FBN3: variants seen among roughly 807,000 people sequenced by gnomAD.
FBN3 encodes fibrillin-3.
A neutral mutation model predicts 330.1 loss-of-function variants in FBN3; 234 were observed. That is an observed-to-expected ratio of 0.71 (90% CI 0.64 to 0.79). FBN3 has a LOEUF of 0.79. Ranked by LOEUF, FBN3 falls within the 30% of genes least tolerant of loss-of-function variation. The pLI, the probability that FBN3 is intolerant of heterozygous loss-of-function variation, is 0.00. For synonymous variants in FBN3, 1,458 were observed against 1,517.3 expected (o/e 0.96, Z 0.91); for missense variants, 3,606 against 3,886.9 (o/e 0.93, Z 1.92).
chr19:8,082,338 T>C (rs896711216), intron 57 of FBN3, among the ~76,000 whole-genome samples: 1 of 141,984 alleles, frequency 7.0e-6, no homozygotes, highest in Non-Finnish European at 1.5e-5. Context: ...TGTTTCTTTC[T>C]CTTTCTTTTT....
intron 59 of FBN3, among the ~76,000 whole-genome samples, chr19:8,076,788 A>C (rs1435621284): frequency 6.6e-6 from 1 of 151,936 alleles, no homozygotes; most frequent in Non-Finnish European, 1.5e-5. Flanking sequence ...TTTAGATAGG[A>C]TCTCATTCTG....
intron 24 of FBN3, 111 bp downstream of exon 24, chr19:8,123,353 T>A: frequency 8.4e-7 from 1 of 1,183,758 alleles, no homozygotes; most frequent in East Asian, 2.6e-5. Context: ...AAACTCCGTC[T>A]CGAAAAAAAA....
chr19:8,128,951 T>C (rs1033116844), intron 18 of FBN3, 77 bp downstream of exon 18: 2 of 1,517,012 alleles, frequency 1.3e-6, no homozygotes, highest in Non-Finnish European at 1.8e-6. Context: ...TGCATGCCTG[T>C]GCGTGCACAC....
At position 8,066,315 on chromosome 19, in the gene FBN3, TG is replaced by T. The variant is rs1168290317; in HGVS notation, c.8089-56del. The T allele has an allele frequency of 3.8e-6, 5 of 1,318,076 alleles. No individual in the cohort carries two copies. In the African/African-American group the frequency reaches 7.5e-5, roughly 20 times the overall value. The allele number at this position is 1,318,076 out of a possible 1,614,324, so 81.6% of individuals were successfully genotyped here. A position where few individuals can be genotyped will look rare whatever the true frequency, so the allele number is the denominator to read the frequency against. Reference sequence around the variant, plus strand: ...AGCCCAGGAGAATCGGGATGTGGTGTGGGTAGGGGGTCCTCGGATTGTGGCC... The same window carrying T: ...AGCCCAGGAGAATCGGGATGTGGTGTGGTAGGGGGTCCTCGGATTGTGGCC... On this transcript the variant is annotated intron_variant, in intron 63 of 63. Coordinates refer to ENST00000600128, the MANE Select transcript of FBN3 (RefSeq NM_032447.5).
Position 8,146,129 on chromosome 19 carries a change from C to T in FBN3, c.347G>A (p.Arg116Gln), listed in dbSNP as rs372350622. The T allele has an allele frequency of 1.4e-5, 23 of 1,588,824 alleles. No individual in the cohort carries two copies. The East Asian group carries it at 4.1e-4, about 28-fold the overall frequency. ...GCAAGAGGCCGCTTCCCGCTCACCTCGGCTCACCCCGCAGCTGGGAGCCAG... is the reference window on the plus strand; with the variant it reads ...GCAAGAGGCCGCTTCCCGCTCACCTTGGCTCACCCCGCAGCTGGGAGCCAG... ...GTLAPSCGVS[R>Q]GSGCSVSCMN... is the part of the protein sequence containing the mutation. The change falls in exon 4 of 64, where the codon CGA (arginine) becomes CAA (glutamine). Residue 116 changes from arginine (R) to glutamine (Q), a missense_variant and splice_region_variant. Arg to Gln is a conservative substitution (Grantham distance 43, BLOSUM62 1). Coordinates refer to ENST00000600128, the MANE Select transcript of FBN3 (RefSeq NM_032447.5).
At chr19:8,122,720 A>G (rs1221725529) in intron 24 of FBN3, among the ~76,000 whole-genome samples, 4 of 148,724 alleles carry the variant, frequency 2.7e-5, no homozygotes, top group African/African-American at 1.0e-4. Flanking sequence ...GCTGGAGTGC[A>G]GTGGCATGAT....
At position 8,134,884 on chromosome 19, in the gene FBN3, A is replaced by G. The variant is rs553838284; in HGVS notation, c.1591+1077T>C. Among the ~76,000 whole-genome samples, 25 of 151,690 alleles carry G rather than the reference A, an allele frequency of 1.6e-4. No individual in the cohort carries two copies. The East Asian group carries it at 4.8e-3, about 29-fold the overall frequency. On this transcript the variant is annotated intron_variant, in intron 13 of 63. Coordinates refer to ENST00000600128, the MANE Select transcript of FBN3 (RefSeq NM_032447.5). Reference sequence around the variant, plus strand: ...GGGCAGCAGAGGTTGCAGTGAGCCAAGATGGCACCACTGCACTCCAGCCTG... The same window carrying G: ...GGGCAGCAGAGGTTGCAGTGAGCCAGGATGGCACCACTGCACTCCAGCCTG...
intron 63 of FBN3, among the ~76,000 whole-genome samples, chr19:8,070,164 A>G (rs1016218322): frequency 7.2e-5 from 11 of 152,028 alleles, no homozygotes; most frequent in Admixed American, 5.2e-4. Flanking sequence ...ACTAGAGGGG[A>G]AAAAGGGCCT....
chr19:8,094,478 G>C lies in FBN3; in HGVS notation c.5873C>G (p.Pro1958Arg), dbSNP rs7245429. Residue 1958 changes from proline (P) to arginine (R), a missense_variant, in exon 47 of 64, where the codon CCT becomes CGT. By Grantham distance (103) the Pro-to-Arg change is moderately radical (BLOSUM62 -2). Coordinates refer to ENST00000600128, the MANE Select transcript of FBN3 (RefSeq NM_032447.5). ...GTGGTCACTCTGCACCTGGAAGCCAGGGGGACAGATGCAGCGGAAGGAGCC... is the reference window on the plus strand; with the variant it reads ...GTGGTCACTCTGCACCTGGAAGCCACGGGGACAGATGCAGCGGAAGGAGCC... ...LEGSFRCICP[P>R]GFQVQSDHCI... The C allele has an allele frequency of 6.2e-7, 1 of 1,612,232 alleles. No individual in the cohort carries two copies. The highest frequency in any genetic ancestry group is 8.5e-7 in the Non-Finnish European group (1 of 1,178,918).
At chr19:8,085,679 T>G (rs2081927328) in intron 55 of FBN3, 110 bp from the exon 56 acceptor site, 1 of 796,740 alleles carries the variant, frequency 1.3e-6, no homozygotes, top group African/African-American at 1.8e-5. Flanking sequence ...GGGACAGGGG[T>G]GTCCAGGAGG....
rs139765746 is a variant in FBN3 at position 8,131,791 on chromosome 19, C to T, written c.1753G>A (p.Gly585Ser). ...ECQTPGICVN[G>S]HCTNTEGSFR... The stretch of plus-strand genomic sequence containing the variant: ...GAGCCCTCGGTGTTGGTACAGTGGC[C>T]GTTCACGCAGATGCCGGGCGTCTGG... Residue 585 changes from glycine to serine, a missense_variant, in exon 15 of 64, where the codon GGC becomes AGC. Transcript: ENST00000600128. This position sits in a 1 kb window ranked among gnomAD's most constrained non-coding sequence, Gnocchi z 4.5. 12 of 1,606,996 alleles carry T rather than the reference C, an allele frequency of 7.5e-6. No individual in the cohort carries two copies. The highest frequency in any genetic ancestry group is 6.7e-5 in the Admixed American group (4 of 59,618).
In FBN3 at chr19:8,125,990, C is replaced by G. The variant is rs1415174133; in HGVS notation, c.2633G>C (p.Gly878Ala). Residue 878 changes from glycine (G) to alanine (A), a missense_variant, in exon 22 of 64, where the codon GGA becomes GCA. Gly to Ala is a moderately conservative substitution (Grantham distance 60, BLOSUM62 0). Coordinates refer to ENST00000600128, the MANE Select transcript of FBN3 (RefSeq NM_032447.5). ...DDVNECESFP[G>A]VCPNGRCVNT... ...GACGCAACGCCCGTTGGGACAGACTCCCGGGAAGGACTCACACTCGTTCAC... is the reference window on the plus strand; with the variant it reads ...GACGCAACGCCCGTTGGGACAGACTGCCGGGAAGGACTCACACTCGTTCAC... 1.2e-6 allele frequency: 2 copies of G among 1,613,788 alleles called. No individual in the cohort carries two copies. The highest frequency in any genetic ancestry group is 2.7e-5 in the African/African-American group (2 of 74,884).
chr19:8,111,546 T>C, intron 32 of FBN3, 102 bp downstream of exon 32: 1 of 1,303,376 alleles, frequency 7.7e-7, no homozygotes, highest in Non-Finnish European at 1.1e-6. Context: ...GGCGATTGAG[T>C]CAGAAGGAGT....
At chr19:8,108,000 A>T (rs1299954457) in intron 37 of FBN3, among the ~76,000 whole-genome samples, 170 bp downstream of exon 37, 2 of 152,162 alleles carry the variant, frequency 1.3e-5, no homozygotes, top group Non-Finnish European at 2.9e-5. Context: ...GATAAAAAAA[A>T]TTAAACACAA....
intron 63 of FBN3, among the ~76,000 whole-genome samples, chr19:8,068,363 C>G (rs1422243845): frequency 6.7e-6 from 1 of 148,522 alleles, no homozygotes; most frequent in Non-Finnish European, 1.5e-5. Context: ...TGCACTCCAG[C>G]CTGGGCGACA....
chr19:8,067,369 G>A lies in FBN3; in HGVS notation c.8089-1109C>T, dbSNP rs575532813. Among the ~76,000 whole-genome samples, 10 of 152,124 alleles carry A rather than the reference G, an allele frequency of 6.6e-5. No individual in the cohort carries two copies. In the East Asian group the frequency reaches 9.7e-4, roughly 15 times the overall value. On this transcript the variant is annotated intron_variant, in intron 63 of 63. Coordinates refer to ENST00000600128, the MANE Select transcript of FBN3 (RefSeq NM_032447.5). ...TCAAACTCCTGGCCTCAAGTGATCCGCTCACCTCAGCCTCCCAAAGTGCTG... is the reference window on the plus strand; with the variant it reads ...TCAAACTCCTGGCCTCAAGTGATCCACTCACCTCAGCCTCCCAAAGTGCTG...
intron 63 of FBN3, among the ~76,000 whole-genome samples, chr19:8,066,496 A>G (rs536733644): frequency 2.0e-4 from 30 of 152,338 alleles, no homozygotes; most frequent in Admixed American, 8.5e-4. Context: ...GTTCTCAGTT[A>G]TAAGTGGGAG....
intron 47 of FBN3, among the ~76,000 whole-genome samples, chr19:8,093,353 A>G (rs779232846): frequency 1.6e-4 from 24 of 152,008 alleles, no homozygotes; most frequent in African/African-American, 3.9e-4. Flanking sequence ...GCCTGGCGCA[A>G]TGGCTCATGC....
chr19:8,097,343 G>C lies in FBN3; in HGVS notation c.5233C>G (p.Arg1745Gly). ...GICINQIGSFRCECPAGFNYN... is the reference protein window; with the variant it reads ...GICINQIGSFGCECPAGFNYN... ...TTGAAGCCTGCGGGGCACTCGCAGC[G>C]GAAACTCCCGATCTGGTTTATGCAG... Residue 1745 changes from arginine to glycine, a missense_variant, in exon 42 of 64, where the codon CGC (arginine) becomes GGC (glycine). Arg to Gly is a moderately radical substitution (Grantham distance 125). Transcript: ENST00000600128. The C allele has an allele frequency of 6.2e-7, 1 of 1,610,262 alleles. No individual in the cohort carries two copies. Among genetic ancestry groups the C allele is most frequent in the South Asian group, 1.1e-5 (1 of 90,510 alleles).
Sources: allele counts gnomAD v4.1 joint callset (sites outside exome capture counted in the v4.1 genomes callset), GRCh38; gene constraint gnomAD v4.1.1; non-coding constraint Gnocchi (gnomAD v3.1); transcripts MANE v1.5; gene names NCBI Gene and HGNC (gene_info 2026-07-23, HGNC 2026-07-21).